Variants in FAM124A observed in about 807,000 individuals in gnomAD.
FAM124A encodes the protein family with sequence similarity 124 member A.
In FAM124A, 23 loss-of-function variants were observed where a neutral mutation model predicts 24.5. That is an observed-to-expected ratio of 0.94 (90% CI 0.68 to 1.33). The LOEUF is 1.33. FAM124A is among the 40% of genes most tolerant of loss of function. FAM124A has a pLI of 0.00. For synonymous variants in FAM124A, 287 were observed against 314.7 expected (o/e 0.91, Z 0.93); for missense variants, 623 against 722.8 (o/e 0.86, Z 1.58).
At chr13:51,234,335 C>G (rs1954412892) in intron 2 of FAM124A, among the ~76,000 whole-genome samples, 1 of 152,152 alleles carries the variant, frequency 6.6e-6, no homozygotes, top group South Asian at 2.1e-4. Context: ...AATGAGACCT[C>G]CCTCCAGAGA....
At chr13:51,234,005 C>T (rs986168057) in intron 2 of FAM124A, among the ~76,000 whole-genome samples, 5 of 152,120 alleles carry the variant, frequency 3.3e-5, no homozygotes, top group Admixed American at 2.6e-4. Flanking sequence ...TTGCATTGTC[C>T]CAGTCCCAGT....
chr13:51,271,830 A>G (rs1186800220), intron 3 of FAM124A, among the ~76,000 whole-genome samples: 2 of 152,122 alleles, frequency 1.3e-5, no homozygotes, highest in Non-Finnish European at 2.9e-5. Flanking sequence ...GGTGGGGACT[A>G]TGATGCCCAG....
intron 3 of FAM124A, among the ~76,000 whole-genome samples, chr13:51,254,844 A>G (rs1954659064): frequency 6.6e-6 from 1 of 152,162 alleles, no homozygotes; most frequent in South Asian, 2.1e-4. Flanking sequence ...TTTACTTTCT[A>G]TTAAAGAATA....
intron 3 of FAM124A, among the ~76,000 whole-genome samples, chr13:51,259,971 G>A (rs1954717313): frequency 6.6e-6 from 1 of 152,144 alleles, no homozygotes; most frequent in Admixed American, 6.5e-5. Context: ...GAGAGCCTCG[G>A]CAGAGGGGGC....
chr13:51,283,696 T>A lies in FAM124A; in HGVS notation c.*2440T>A. The A allele has an allele frequency of 8.0e-6, 1 of 125,054 alleles. No homozygotes were observed. 7.7% of individuals were successfully genotyped at this position (125,054 alleles called of 1,614,324 possible). ...CAAACATTAGGAAGAAGGAGAAAAA[T>A]AATTCAGAGGTGATGATACCACCTC... On this transcript the variant is annotated 3_prime_UTR_variant, in exon 4 of 4. Transcript: ENST00000322475.
intron 2 of FAM124A, among the ~76,000 whole-genome samples, chr13:51,238,836 C>T (rs1398436747): frequency 1.3e-5 from 2 of 152,152 alleles, no homozygotes; most frequent in African/African-American, 4.8e-5. Context: ...AAGAAAAAAG[C>T]AATAACCAAA....
intron 2 of FAM124A, among the ~76,000 whole-genome samples, chr13:51,249,103 T>C (rs896385798): frequency 6.6e-6 from 1 of 152,148 alleles, no homozygotes; most frequent in Non-Finnish European, 1.5e-5. Context: ...CTTCCAAATG[T>C]GCTTGTTTTT....
intron 3 of FAM124A, among the ~76,000 whole-genome samples, chr13:51,273,262 G>A (rs1954855332): frequency 6.6e-6 from 1 of 152,134 alleles, no homozygotes; most frequent in South Asian, 2.1e-4. Context: ...GAGGTAGCCA[G>A]GGTGCTATTG....
rs755357233 is a variant in FAM124A at position 51,280,972 on chromosome 13, C to T, written c.1357C>T (p.His453Tyr). The stretch of plus-strand genomic sequence containing the variant: ...CCTCCCCTCCGAAAGATGCAGCAGC[C>T]ACTGGGCAGCTCACAAGGATTCCAG... ...TPLPSERCSSHWAAHKDSREG... is the reference protein window; with the variant it reads ...TPLPSERCSSYWAAHKDSREG... The change falls in exon 4 of 4, where the codon CAC becomes TAC. Residue 453 changes from histidine (H) to tyrosine (Y), a missense_variant. Physicochemically the swap from His to Tyr is moderately conservative, Grantham distance 83 (BLOSUM62 2). Transcript: ENST00000322475. 11 of 1,614,012 alleles carry T rather than the reference C, an allele frequency of 6.8e-6. No individual in the cohort carries two copies. The African/African-American group carries it at 1.5e-4, about 22-fold the overall frequency.
chr13:51,270,804 G>A (rs1179068460), intron 3 of FAM124A, among the ~76,000 whole-genome samples: 1 of 152,222 alleles, frequency 6.6e-6, no homozygotes, highest in African/African-American at 2.4e-5. Context: ...TGGGCGGTTA[G>A]TTGATCTCTT....
Position 51,251,497 on chromosome 13 carries a change from C to T in FAM124A, c.130C>T (p.Pro44Ser). The T allele has an allele frequency of 6.6e-7, 1 of 1,510,024 alleles. No homozygotes were observed. The highest frequency in any genetic ancestry group is 8.9e-7 in the Non-Finnish European group (1 of 1,128,654). 93.5% of individuals were successfully genotyped at this position (1,510,024 alleles called of 1,614,324 possible). A position where few individuals can be genotyped will look rare whatever the true frequency, so the allele number is the denominator to read the frequency against. ...GCTTTCCGTTGAAGAGGCGCAGGAC[C>T]CTTTCCTGGTCAGCATCCACATAAT... is the stretch of plus-strand genomic sequence containing the variant. ...SELSVEEAQD[P>S]FLVSIHIIAD... Residue 44 changes from proline (P) to serine (S), a missense_variant, in exon 3 of 4, where the codon CCT becomes TCT. By Grantham distance (74) the Pro-to-Ser change is moderately conservative. Coordinates refer to ENST00000322475, the MANE Select transcript of FAM124A (RefSeq NM_001242312.2). The surrounding 1 kb of genome is among the most constrained non-coding windows in gnomAD (Gnocchi z 5.3).
chr13:51,222,582 G>T lies in FAM124A; in HGVS notation c.68+13G>T, dbSNP rs1050917004. 36 of 1,222,554 alleles carry T rather than the reference G, an allele frequency of 2.9e-5. No homozygotes were observed. Among genetic ancestry groups the T allele is most frequent in the Non-Finnish European group, 3.7e-5 (36 of 982,884 alleles). The allele number at this position is 1,222,554 out of a possible 1,614,324, so 75.7% of individuals were successfully genotyped here. ...CCGAGACCGGAGGGTGAGCCGCGCC[G>T]GGCCGGGCCGCGGGCGGGGGGCGCT... On this transcript the variant is annotated intron_variant, in intron 1 of 3. Coordinates refer to ENST00000322475, the MANE Select transcript of FAM124A (RefSeq NM_001242312.2).
At chr13:51,277,983 G>C (rs1954899962) in intron 3 of FAM124A, among the ~76,000 whole-genome samples, 1 of 152,130 alleles carries the variant, frequency 6.6e-6, no homozygotes, top group Admixed American at 6.5e-5. Flanking sequence ...GTGACTTTAG[G>C]GACATAGCCA....
intron 1 of FAM124A, among the ~76,000 whole-genome samples, chr13:51,222,923 C>T (rs1954276521): frequency 6.6e-6 from 1 of 152,194 alleles, no homozygotes; most frequent in Admixed American, 6.5e-5. Context: ...AGCTCCGGAG[C>T]CCCCTGGAGT....
chr13:51,260,688 G>T (rs1954726575), intron 3 of FAM124A, among the ~76,000 whole-genome samples: 2 of 152,186 alleles, frequency 1.3e-5, no homozygotes, highest in Admixed American at 1.3e-4. Context: ...GACTGGAGTG[G>T]ATGGAGGCAC....
chr13:51,276,118 C>A (rs1327082725), intron 3 of FAM124A, among the ~76,000 whole-genome samples: 2 of 152,058 alleles, frequency 1.3e-5, no homozygotes, highest in Admixed American at 6.6e-5. Context: ...AAGGGGTAGG[C>A]CGGGTCTTGT....
intron 1 of FAM124A, chr13:51,225,475 C>T (rs1170932197): frequency 1.3e-5 from 2 of 152,172 alleles, no homozygotes; most frequent in African/African-American, 2.4e-5. Flanking sequence ...TTTTTAAGAC[C>T]AGCCTTGAGA....
chr13:51,281,229 T>C lies in FAM124A; in HGVS notation c.1614T>C (p.Asp538=). 3 of 1,588,260 alleles carry C rather than the reference T, an allele frequency of 1.9e-6. No individual in the cohort carries two copies. The highest frequency in any genetic ancestry group is 2.6e-6 in the Non-Finnish European group (3 of 1,169,350). ...PPPPGSAGPG[D]NDMEEFYI ...CCCCAGGGTCGGCTGGCCCCGGGGA[T>C]AACGACATGGAGGAATTCTACATCT... is the stretch of plus-strand genomic sequence containing the variant. The change falls in exon 4 of 4, where the codon GAT becomes GAC. Residue 538 remains aspartate, a synonymous_variant. Transcript: ENST00000322475.
At position 51,258,221 on chromosome 13, in the gene FAM124A, A is replaced by G. The variant is rs1188363789; in HGVS notation, c.834+6020A>G. Among the ~76,000 whole-genome samples the G allele has an allele frequency of 1.3e-5, 2 of 152,132 alleles. No homozygotes were observed. The highest frequency in any genetic ancestry group is 3.8e-4 in the East Asian group (2 of 5,198). ...TAGGGGCTCACCTTTCTCCAGCATG[A>G]CCTCATCCTAATTAAGCTCATTCCA... On this transcript the variant is annotated intron_variant, in intron 3 of 3. Coordinates refer to ENST00000322475, the MANE Select transcript of FAM124A (RefSeq NM_001242312.2). The surrounding 1 kb of genome is among the most constrained non-coding windows in gnomAD (Gnocchi z 4.2).
Sources: allele counts gnomAD v4.1 joint callset (sites outside exome capture counted in the v4.1 genomes callset), GRCh38; gene constraint gnomAD v4.1.1; non-coding constraint Gnocchi (gnomAD v3.1); transcripts MANE v1.5; gene names NCBI Gene and HGNC (gene_info 2026-07-23, HGNC 2026-07-21).